NSMF: variants seen among roughly 807,000 people sequenced by gnomAD.
The protein encoded by NSMF is nasal embryonic LHRH factor.
A neutral mutation model predicts 71.0 loss-of-function variants in NSMF; 31 were observed. That is an observed-to-expected ratio of 0.44 (90% CI 0.33 to 0.59). The LOEUF (loss-of-function observed/expected upper bound fraction) is 0.59, where lower values mean the gene tolerates loss of function less well. Among genes scored for constraint, NSMF ranks in the 20% least tolerant of loss-of-function variants. The probability of loss-of-function intolerance (pLI) is 0.04; values close to 1 mark genes in which losing one functional copy is unlikely to be tolerated. For missense variants in NSMF, 673 were observed against 740.5 expected (o/e 0.91, Z 1.06); for synonymous variants, 345 against 287.1 (o/e 1.20, Z -2.04).
intron 13 of NSMF, 37 bp from the exon 14 acceptor site, chr9:137,450,062 C>T (rs1363529174): frequency 1.3e-6 from 2 of 1,594,630 alleles, no homozygotes; most frequent in Admixed American, 3.3e-5. Context: ...TGGCAGGGGA[C>T]AGGCACCCCA....
At position 137,453,798 on chromosome 9, in the gene NSMF, C is replaced by G; in HGVS notation, c.855G>C (p.Arg285=). The G allele has an allele frequency of 6.3e-7, 1 of 1,595,554 alleles. No homozygotes were observed. The highest frequency in any genetic ancestry group is 8.5e-7 in the Non-Finnish European group (1 of 1,176,990). The change falls in exon 8 of 16, where the codon CGG becomes CGC. Residue 285 remains arginine (R), a synonymous_variant. Coordinates refer to ENST00000371475, the MANE Select transcript of NSMF (RefSeq NM_001130969.3). This position sits in a 1 kb window ranked among gnomAD's most constrained non-coding sequence, Gnocchi z 4.5. ...KAQTFAERRE[R]SFSRSWSDPT... is the part of the protein sequence containing the mutation. ...GGTCGCTCCAGGACCGGCTGAAGCT[C>G]CGCTCGCGCCGCTCAGCGAACGCTG...
At position 137,452,651 on chromosome 9, in the gene NSMF, C is replaced by A. The variant is rs868323026; in HGVS notation, c.1132-65G>T. 4 of 1,609,014 alleles carry A rather than the reference C, an allele frequency of 2.5e-6. No homozygotes were observed. The Middle Eastern group carries it at 6.6e-4, about 267-fold the overall frequency. ...CGTCAGAGCCAGCAGCGCCACAGCA[C>A]CCTGGGGACCTGGGGTGCCGGCGCT... On this transcript the variant is annotated intron_variant, in intron 10 of 15. Transcript: ENST00000371475.
chr9:137,458,317 C>A (rs191100486), intron 2 of NSMF, among the ~76,000 whole-genome samples, 171 bp downstream of exon 2: 5 of 152,280 alleles, frequency 3.3e-5, no homozygotes, highest in Non-Finnish European at 4.4e-5. Context: ...CGGCTGGGAA[C>A]TGCTCCTGGG....
intron 12 of NSMF, 97 bp from the exon 13 acceptor site, chr9:137,450,352 A>G: frequency 1.0e-6 from 1 of 959,950 alleles, no homozygotes; most frequent in Non-Finnish European, 1.7e-6. Context: ...TTTGGTCTTC[A>G]TCCCCCGGCC....
chr9:137,459,032 C>T lies in NSMF; in HGVS notation c.71G>A (p.Arg24Gln), dbSNP rs749730452. The T allele has an allele frequency of 1.7e-5, 22 of 1,285,064 alleles. 1 individual carries two copies. The South Asian group carries it at 5.2e-4, about 30-fold the overall frequency. 79.6% of individuals were successfully genotyped at this position (1,285,064 alleles called of 1,614,324 possible). Residue 24 changes from arginine (R) to glutamine (Q), a missense_variant and splice_region_variant, in exon 1 of 16, where the codon CGA becomes CAA. Coordinates refer to ENST00000371475, the MANE Select transcript of NSMF (RefSeq NM_001130969.3). ...GGGAAGGCGGCCCCGCCGCACTCAC[C>T]GCACTTTGGCCGCCACCGAGGACAT... ...EAMSSVAAKV[R>Q]AARAFGEYLS...
rs369795515 is a variant in NSMF at position 137,449,503 on chromosome 9, G to C, written c.1496-12C>G. 2.3e-5 allele frequency: 37 copies of C among 1,612,114 alleles called. 2 individuals carry two copies. The Middle Eastern group carries it at 6.6e-4, about 29-fold the overall frequency. The stretch of plus-strand genomic sequence containing the variant: ...GATCATCTGCTTCCCTGGGCGGAGC[G>C]GGGGCAGGAGGCTCAGGCCTGGCCG... On this transcript the variant is annotated splice_polypyrimidine_tract_variant and intron_variant, in intron 15 of 15. Coordinates refer to ENST00000371475, the MANE Select transcript of NSMF (RefSeq NM_001130969.3).
chr9:137,453,329 C>G lies in NSMF; in HGVS notation c.923-149G>C, dbSNP rs1054641583. Reference sequence around the variant, plus strand: ...CATACAGAGGTCGCCGCCAGCCCGGCAGGACAGGCCTGTGGACACCACTGG... The same window carrying G: ...CATACAGAGGTCGCCGCCAGCCCGGGAGGACAGGCCTGTGGACACCACTGG... On this transcript the variant is annotated intron_variant, in intron 8 of 15. Coordinates refer to ENST00000371475, the MANE Select transcript of NSMF (RefSeq NM_001130969.3). This position sits in a 1 kb window ranked among gnomAD's most constrained non-coding sequence, Gnocchi z 4.5. 9.0e-7 allele frequency: 1 copy of G among 1,114,968 alleles called. No individual in the cohort carries two copies. Among genetic ancestry groups the G allele is most frequent in the African/African-American group, 1.6e-5 (1 of 64,382 alleles). 69.1% of individuals were successfully genotyped at this position (1,114,968 alleles called of 1,614,324 possible). A position where few individuals can be genotyped will look rare whatever the true frequency, so the allele number is the denominator to read the frequency against.
chr9:137,453,324 C>G lies in NSMF; in HGVS notation c.923-144G>C, dbSNP rs1830640753. 8.6e-7 allele frequency: 1 copy of G among 1,167,338 alleles called. No individual in the cohort carries two copies. The highest frequency in any genetic ancestry group is 1.3e-5 in the South Asian group (1 of 74,300). The allele number at this position is 1,167,338 out of a possible 1,614,324, so 72.3% of individuals were successfully genotyped here. A position where few individuals can be genotyped will look rare whatever the true frequency, so the allele number is the denominator to read the frequency against. On this transcript the variant is annotated intron_variant, in intron 8 of 15. Transcript: ENST00000371475. The surrounding 1 kb of genome is among the most constrained non-coding windows in gnomAD (Gnocchi z 4.5). ...AGGACCATACAGAGGTCGCCGCCAG[C>G]CCGGCAGGACAGGCCTGTGGACACC...
rs769566238 is a variant in NSMF at position 137,456,503 on chromosome 9, G to A, written c.629-17C>T. The A allele has an allele frequency of 2.5e-6, 4 of 1,580,624 alleles. No individual in the cohort carries two copies. The highest frequency in any genetic ancestry group is 2.2e-5 in the East Asian group (1 of 44,698). ...GGATGTCGTCTAAGAGAGACAAAAA[G>A]GAGCGGTGGCTGGGTGAAGTAGGGG... On this transcript the variant is annotated splice_polypyrimidine_tract_variant and intron_variant, in intron 3 of 15. Transcript: ENST00000371475.
At chr9:137,455,177 C>T in intron 6 of NSMF, 62 bp downstream of exon 6, 1 of 1,571,746 alleles carries the variant, frequency 6.4e-7, no homozygotes, top group Non-Finnish European at 8.8e-7. Context: ...GCCGAGGGGG[C>T]CCAGGCCAGG....
At chr9:137,449,755 C>T in intron 14 of NSMF, 81 bp from the exon 15 acceptor site, 4 of 1,393,830 alleles carry the variant, frequency 2.9e-6, no homozygotes, top group Non-Finnish European at 4.0e-6. Flanking sequence ...GCAGGGCCCA[C>T]CCTCTTTTTT....
chr9:137,455,176 G>T, intron 6 of NSMF, 63 bp downstream of exon 6: 1 of 1,564,962 alleles, frequency 6.4e-7, no homozygotes, highest in Non-Finnish European at 8.8e-7. Flanking sequence ...GGCCGAGGGG[G>T]CCCAGGCCAG....
At position 137,457,415 on chromosome 9, in the gene NSMF, C is replaced by T. The variant is rs201458494; in HGVS notation, c.620G>A (p.Arg207His). The change falls in exon 3 of 16, where the codon CGT (arginine) becomes CAT (histidine). Residue 207 changes from arginine to histidine, a missense_variant. Around this residue, in one of 2 missense-constraint regions of NSMF, gnomAD observed 471 missense variants for 459.6 expected, o/e 1.02. Transcript: ENST00000371475. ...KKLERMYSVDRVSDDIPIRTW... is the reference protein window; with the variant it reads ...KKLERMYSVDHVSDDIPIRTW... ...TGACACAAACCCCTCACCAGACACA[C>T]GGTCAACGCTGTACATCCTCTCCAG... The T allele has an allele frequency of 3.7e-6, 6 of 1,612,800 alleles. No individual in the cohort carries two copies. Among genetic ancestry groups the T allele is most frequent in the Admixed American group, 3.3e-5 (2 of 60,008 alleles).
intron 2 of NSMF, 132 bp downstream of exon 2, chr9:137,458,356 G>C (rs1830967720): frequency 1.2e-6 from 1 of 833,120 alleles, no homozygotes; most frequent in Non-Finnish European, 1.9e-6. Context: ...GGGGATGTAA[G>C]GAAGCCAGGC....
chr9:137,454,722 C>G, intron 6 of NSMF: 2 of 1,496,840 alleles, frequency 1.3e-6, no homozygotes, highest in Non-Finnish European at 1.8e-6. Context: ...AGGCTCTGAC[C>G]TTCCGTCCTC....
Position 137,453,399 on chromosome 9 carries a change from G to A in NSMF, c.923-219C>T, listed in dbSNP as rs527704479. 3.1e-6 allele frequency: 2 copies of A among 654,480 alleles called. No homozygotes were observed. Among genetic ancestry groups the A allele is most frequent in the African/African-American group, 1.8e-5 (1 of 54,976 alleles). The allele number at this position is 654,480 out of a possible 1,614,324, so 40.5% of individuals were successfully genotyped here. On this transcript the variant is annotated intron_variant, in intron 8 of 15. Transcript: ENST00000371475. The surrounding 1 kb of genome is among the most constrained non-coding windows in gnomAD (Gnocchi z 4.5). ...AGGGAGACCCTGGTGCGAGGCCGGT[G>A]GAAGGCGCGTGCAGGCATCAGCTCC...
chr9:137,449,949 T>C lies in NSMF; in HGVS notation c.1393A>G (p.Ile465Val), dbSNP rs774325553. 3.7e-6 allele frequency: 6 copies of C among 1,613,072 alleles called. No individual in the cohort carries two copies. In the African/African-American group the frequency reaches 6.7e-5, roughly 18 times the overall value. The change falls in exon 14 of 16, where the codon ATT (isoleucine) becomes GTT (valine). Residue 465 changes from isoleucine (I) to valine (V), a missense_variant. Coordinates refer to ENST00000371475, the MANE Select transcript of NSMF (RefSeq NM_001130969.3). ...TTCTCTCCATTGGGGTTCCCCAGAATGTAGCAGCCCATGATGTGGATGACG... is the reference window on the plus strand; with the variant it reads ...TTCTCTCCATTGGGGTTCCCCAGAACGTAGCAGCCCATGATGTGGATGACG... The part of the protein sequence containing the change: ...PNVIHIMGCY[I>V]LGNPNGEKLF...
intron 2 of NSMF, among the ~76,000 whole-genome samples, 154 bp downstream of exon 2, chr9:137,458,334 G>A (rs1282039590): frequency 6.6e-6 from 1 of 152,190 alleles, no homozygotes; most frequent in Non-Finnish European, 1.5e-5. Context: ...TGGGGCTCGG[G>A]CAGGGAGGGC....
chr9:137,456,273 C>A, intron 4 of NSMF, 138 bp downstream of exon 4: 2 of 781,032 alleles, frequency 2.6e-6, no homozygotes, highest in Admixed American at 1.7e-5. Flanking sequence ...CCCTGGCAGG[C>A]CTGGCACAGC....
Sources: allele counts gnomAD v4.1 joint callset (sites outside exome capture counted in the v4.1 genomes callset), GRCh38; gene constraint gnomAD v4.1.1; regional missense constraint gnomAD v4.1.1; non-coding constraint Gnocchi (gnomAD v3.1); transcripts MANE v1.5; gene names NCBI Gene and HGNC (gene_info 2026-07-23, HGNC 2026-07-21).